Variants in CECR2 observed in about 807,000 individuals in gnomAD.
The protein encoded by CECR2 is CECR2 histone acetyl-lysine reader.
CECR2 carries 30 observed loss-of-function variants against 154.5 expected under a neutral mutation model. The ratio of observed to expected loss-of-function variants is 0.19; its 90% CI spans 0.15 to 0.26. The LOEUF (loss-of-function observed/expected upper bound fraction) is 0.26, where lower values mean the gene tolerates loss of function less well. Ranked by LOEUF, CECR2 falls within the 10% of genes least tolerant of loss-of-function variation. CECR2 has a pLI of 1.00. For missense variants in CECR2, 1,743 were observed against 1,829.3 expected (o/e 0.95, Z 0.86); for synonymous variants, 725 against 683.7 (o/e 1.06, Z -0.94).
At chr22:17,367,440 CA>C (rs1293037429), upstream of CECR2, among the ~76,000 whole-genome samples, 1 of 151,984 alleles carries the variant, frequency 6.6e-6, no homozygotes, top group Non-Finnish European at 1.5e-5. Flanking sequence ...GGCTGGAGTG[CA>C]ATGGCGAGAT....
chr22:17,498,833 TTC>T (rs2055681713), intron 3 of CECR2, among the ~76,000 whole-genome samples: 1 of 152,100 alleles, frequency 6.6e-6, no homozygotes, highest in African/African-American at 2.4e-5. Flanking sequence ...TGCTGTTGGA[TTC>T]TCTCTTTTTT....
chr22:17,531,749 G>A (rs1244053415), intron 9 of CECR2, among the ~76,000 whole-genome samples: 1 of 152,178 alleles, frequency 6.6e-6, no homozygotes, highest in Non-Finnish European at 1.5e-5. Flanking sequence ...ATTATATGTG[G>A]GCATATGGAA....
intron 4 of CECR2, among the ~76,000 whole-genome samples, chr22:17,500,280 A>G (rs1204030160): frequency 6.6e-6 from 1 of 152,134 alleles, no homozygotes; most frequent in African/African-American, 2.4e-5. Flanking sequence ...TAAGAACAGA[A>G]GGAATTTAAA....
At chr22:17,411,841 G>T (rs2054072409) in intron 1 of CECR2, among the ~76,000 whole-genome samples, 1 of 152,068 alleles carries the variant, frequency 6.6e-6, no homozygotes, top group Middle Eastern at 3.2e-3. Flanking sequence ...TGTATCATAT[G>T]ATATATATTT....
intron 2 of CECR2, among the ~76,000 whole-genome samples, chr22:17,496,725 C>A (rs1367891830): frequency 6.6e-6 from 1 of 152,126 alleles, no homozygotes; most frequent in African/African-American, 2.4e-5. Context: ...AGTCATGAAC[C>A]CAACTTTGTA....
At chr22:17,363,912 G>A (rs920323267) in intron 1 of CECR2, among the ~76,000 whole-genome samples, 1 of 152,138 alleles carries the variant, frequency 6.6e-6, no homozygotes, top group African/African-American at 2.4e-5. Flanking sequence ...TGGGATTACA[G>A]GTGTGAACCA....
upstream of CECR2, among the ~76,000 whole-genome samples, chr22:17,365,727 A>G (rs1256178528): frequency 1.3e-5 from 2 of 151,724 alleles, no homozygotes; most frequent in Non-Finnish European, 2.9e-5. Context: ...AACAAACAAA[A>G]AAATGTGGTT....
At chr22:17,419,826 AT>A in intron 1 of CECR2, 1 of 285,446 alleles carries the variant, frequency 3.5e-6, no homozygotes, top group Non-Finnish European at 6.9e-6. Context: ...AGCTCAGAGG[AT>A]TAGAGGATTG....
intron 1 of CECR2, among the ~76,000 whole-genome samples, chr22:17,434,294 A>T (rs1016992886): frequency 6.6e-6 from 1 of 152,228 alleles, no homozygotes; most frequent in African/African-American, 2.4e-5. Context: ...AGGATCCAGG[A>T]GAGGTCATGC....
rs1208131626 is a variant in CECR2, at chr22:17,554,647, A to C, written c.*1807A>C. ...GGAACACAGGTGCCTCTAAGGTATAATGCACAAAAATACAGATTTTCTCTC... is the reference window on the plus strand; with the variant it reads ...GGAACACAGGTGCCTCTAAGGTATACTGCACAAAAATACAGATTTTCTCTC... On this transcript the variant is annotated 3_prime_UTR_variant, in exon 19 of 19. Transcript: ENST00000262608. The C allele has an allele frequency of 1.3e-5, 2 of 152,234 alleles. No homozygotes were observed. Among genetic ancestry groups the C allele is most frequent in the Admixed American group, 6.5e-5 (1 of 15,274 alleles). The allele number at this position is 152,234 out of a possible 1,614,324, so 9.4% of individuals were successfully genotyped here. A position where few individuals can be genotyped will look rare whatever the true frequency, so the allele number is the denominator to read the frequency against.
At chr22:17,460,945 C>T (rs1006550836) in intron 1 of CECR2, among the ~76,000 whole-genome samples, 1 of 152,186 alleles carries the variant, frequency 6.6e-6, no homozygotes, top group Non-Finnish European at 1.5e-5. Context: ...CAAAAACTAA[C>T]CAAGTTTGGC....
Position 17,503,189 on chromosome 22 carries a change from G to A in CECR2, c.700+58G>A, listed in dbSNP as rs2099989187. Reference sequence around the variant, plus strand: ...AAATAAATATGATTCATTTATGCTAGGGTGTTGACTCTTTTTCTAGAGTCA... The same window carrying A: ...AAATAAATATGATTCATTTATGCTAAGGTGTTGACTCTTTTTCTAGAGTCA... On this transcript the variant is annotated intron_variant, in intron 6 of 18. Coordinates refer to ENST00000262608, the MANE Select transcript of CECR2 (RefSeq NM_001290047.2). The A allele has an allele frequency of 4.1e-6, 6 of 1,481,080 alleles. No homozygotes were observed. In the East Asian group the frequency reaches 1.2e-4, roughly 29 times the overall value. 91.7% of individuals were successfully genotyped at this position (1,481,080 alleles called of 1,614,324 possible).
Position 17,481,049 on chromosome 22 carries a change from T to TAAAAAA in CECR2, c.221+3374_221+3379dup, listed in dbSNP as rs572712907. On this transcript the variant is annotated intron_variant, in intron 2 of 18. Transcript: ENST00000262608. The stretch of plus-strand genomic sequence containing the variant: ...AGTGAGACTCCATCTCTTTTTTTTT[T>TAAAAAA]AAAAAAAAAAAAGGCCGGGCACGGT... 1.7e-4 allele frequency among the ~76,000 whole-genome samples: 16 copies of TAAAAAA among 92,064 alleles called. 1 individual carries two copies. The highest frequency in any genetic ancestry group is 3.6e-4 in the Non-Finnish European group (15 of 41,718). The allele number at this position is 92,064 out of a possible 152,430, so 60.4% of individuals were successfully genotyped here.
chr22:17,462,974 A>G (rs1269104330), intron 1 of CECR2, among the ~76,000 whole-genome samples: 2 of 152,214 alleles, frequency 1.3e-5, no homozygotes, highest in African/African-American at 2.4e-5. Context: ...CCACAAACCC[A>G]AAGCAGACAA....
intron 1 of CECR2, among the ~76,000 whole-genome samples, chr22:17,370,126 C>T (rs1176343623): frequency 1.3e-5 from 2 of 150,970 alleles, no homozygotes; most frequent in African/African-American, 4.8e-5. Context: ...ACGCCGGATC[C>T]TGGGGTGGAG....
chr22:17,460,678 A>G (rs2054924078), intron 1 of CECR2, among the ~76,000 whole-genome samples: 1 of 137,396 alleles, frequency 7.3e-6, no homozygotes, highest in Admixed American at 6.9e-5. Context: ...GATTGTATGG[A>G]GAGTCTCTGC....
intron 16 of CECR2, among the ~76,000 whole-genome samples, chr22:17,546,626 T>G (rs2056618468): frequency 1.3e-5 from 2 of 152,218 alleles, no homozygotes; most frequent in South Asian, 4.1e-4. Flanking sequence ...TCAAGTAGCC[T>G]GAGCTATGTT....
At chr22:17,368,465 T>G (rs2063015765), upstream of CECR2, among the ~76,000 whole-genome samples, 2 of 151,214 alleles carry the variant, frequency 1.3e-5, no homozygotes, top group South Asian at 2.1e-4. Context: ...TTCAATGGAG[T>G]TTTTCCAAAC....
chr22:17,436,753 G>T (rs911528562), intron 1 of CECR2, among the ~76,000 whole-genome samples: 1 of 152,206 alleles, frequency 6.6e-6, no homozygotes, highest in East Asian at 1.9e-4. Flanking sequence ...AAAAAGGGGC[G>T]GAGGAGAAGG....
Sources: gnomAD v4.1 joint callset for allele counts (sites outside exome capture counted in the v4.1 genomes callset) on GRCh38, gnomAD v4.1.1 for gene constraint, MANE v1.5 for transcripts, NCBI Gene and HGNC (gene_info 2026-07-23, HGNC 2026-07-21) for gene names.